Variants in MAMLD1 observed in about 807,000 individuals in gnomAD.
MAMLD1 encodes mastermind like domain containing 1.
Under a neutral mutation model 45.0 loss-of-function variants are expected in MAMLD1, and 14 were observed. The observed-to-expected ratio is 0.31, with a 90% CI of 0.21 to 0.49. The LOEUF (loss-of-function observed/expected upper bound fraction) is 0.49. MAMLD1 is among the 20% of genes least tolerant of loss of function. The pLI is 0.99. For missense variants in MAMLD1, 543 were observed against 603.6 expected, an observed-to-expected ratio of 0.90 and a Z score of 1.05; for synonymous variants, 254 against 247.8, an observed-to-expected ratio of 1.02 and a Z score of -0.24.
At chrX:150,476,700 T>C (rs1220435424) in intron 5 of MAMLD1, among the ~76,000 whole-genome samples, 1 of 112,850 alleles carries the variant, frequency 8.9e-6, no homozygotes, top group African/African-American at 3.2e-5. Flanking sequence ...AGGCACATGA[T>C]GTTGTTTTGA....
chrX:150,439,756 A>C (rs2035235370), intron 1 of MAMLD1, among the ~76,000 whole-genome samples: 1 of 111,472 alleles, frequency 9.0e-6, no homozygotes, highest in African/African-American at 3.3e-5. Context: ...CCAATGTGGC[A>C]AAACACCGTC....
rs2036090779 is a variant in MAMLD1 at position 150,462,825 on chromosome X, C to T, written c.150C>T (p.Ser50=). Residue 50 remains serine, a synonymous_variant, in exon 3 of 8, where the codon AGC becomes AGT. Coordinates refer to ENST00000370401, the MANE Select transcript of MAMLD1 (RefSeq NM_005491.5). ...AAGATTTATCTTTTCTCTACAAGAG[C>T]AGCCCAGGAAGAAAGCATCAGGTAA... ...EEEDLSFLYK[S]SPGRKHQGTV... 1 of 1,209,059 alleles carries T rather than the reference C, an allele frequency of 8.3e-7. No homozygotes were observed. Among genetic ancestry groups the T allele is most frequent in the Admixed American group, 2.2e-5 (1 of 46,075 alleles).
intron 1 of MAMLD1, among the ~76,000 whole-genome samples, chrX:150,385,590 C>G (rs1409408475): frequency 9.0e-6 from 1 of 111,011 alleles, no homozygotes; most frequent in East Asian, 2.8e-4. Context: ...ATGGAATCAT[C>G]ATAAAGGTCT....
rs782761871 is a variant in MAMLD1 at position 150,445,630 on chromosome X, G to A, written c.96+18G>A. ...AGGAATCGGTCAGACAATGGGCCAT[G>A]GGGGGAGGGGGGTATTTAATGCTTC... On this transcript the variant is annotated intron_variant, in intron 2 of 7. Coordinates refer to ENST00000370401, the MANE Select transcript of MAMLD1 (RefSeq NM_005491.5). The A allele has an allele frequency of 1.9e-5, 21 of 1,080,846 alleles. No individual in the cohort carries two copies. Among genetic ancestry groups the A allele is most frequent in the Non-Finnish European group, 2.6e-5 (20 of 778,222 alleles). The allele number at this position is 1,080,846 out of a possible 1,213,427, so 89.1% of individuals were successfully genotyped here. A position where few individuals can be genotyped will look rare whatever the true frequency, so the allele number is the denominator to read the frequency against.
chrX:150,478,917 T>A (rs782707208), intron 5 of MAMLD1, among the ~76,000 whole-genome samples: 1 of 112,480 alleles, frequency 8.9e-6, no homozygotes, highest in Non-Finnish European at 1.9e-5. Flanking sequence ...CCGTGTAACA[T>A]GCATTTTGAA....
At chrX:150,434,188 G>A (rs916899867) in intron 1 of MAMLD1, among the ~76,000 whole-genome samples, 2 of 111,698 alleles carry the variant, frequency 1.8e-5, no homozygotes, top group Non-Finnish European at 3.8e-5. Context: ...TAGCTTTTGT[G>A]CATAGAGGTG....
intron 5 of MAMLD1, among the ~76,000 whole-genome samples, chrX:150,494,491 AT>A (rs2148344069): frequency 8.9e-6 from 1 of 112,842 alleles, no homozygotes; most frequent in East Asian, 2.8e-4. Context: ...GTAGATCCTC[AT>A]GTGACCTTCC....
intron 1 of MAMLD1, among the ~76,000 whole-genome samples, chrX:150,380,541 A>T (rs183302985): frequency 3.7e-4 from 41 of 111,293 alleles, no homozygotes; most frequent in Non-Finnish European, 6.4e-4. Flanking sequence ...GTCAAGTATC[A>T]GTCTTTTCTT....
At chrX:150,438,291 C>T (rs782565639) in intron 1 of MAMLD1, among the ~76,000 whole-genome samples, 1 of 112,148 alleles carries the variant, frequency 8.9e-6, no homozygotes, top group African/African-American at 3.2e-5. Flanking sequence ...GTGGCAATAC[C>T]ATTTTACATT....
chrX:150,476,724 G>T (rs1292198188), intron 5 of MAMLD1, among the ~76,000 whole-genome samples: 1 of 112,996 alleles, frequency 8.8e-6, no homozygotes, highest in African/African-American at 3.2e-5. Flanking sequence ...ATATGGAGAG[G>T]GTAGAGAAGG....
At chrX:150,508,564 A>G (rs1648763477) in intron 6 of MAMLD1, among the ~76,000 whole-genome samples, 1 of 112,252 alleles carries the variant, frequency 8.9e-6, no homozygotes, top group Non-Finnish European at 1.9e-5. Flanking sequence ...TCCCGGTGCC[A>G]TGTGTTTGTC....
At chrX:150,439,226 A>G (rs1210583144) in intron 1 of MAMLD1, among the ~76,000 whole-genome samples, 2 of 111,766 alleles carry the variant, frequency 1.8e-5, no homozygotes, top group Non-Finnish European at 3.8e-5. Flanking sequence ...TGTTATGTGT[A>G]TATTCTAGAG....
intron 5 of MAMLD1, among the ~76,000 whole-genome samples, chrX:150,480,575 C>G (rs781799111): frequency 8.9e-6 from 1 of 111,932 alleles, no homozygotes; most frequent in Non-Finnish European, 1.9e-5. Context: ...TGACTCTTAA[C>G]TCTCATCTCA....
chrX:150,398,373 GGAA>G (rs1414806616), intron 1 of MAMLD1, among the ~76,000 whole-genome samples: 3 of 96,612 alleles, frequency 3.1e-5, no homozygotes, highest in South Asian at 9.4e-4. Flanking sequence ...AAGAGGAAGA[GGAA>G]GAAGAAGAGG....
intron 5 of MAMLD1, among the ~76,000 whole-genome samples, chrX:150,498,868 G>GA (rs1312112774): frequency 8.9e-6 from 1 of 112,311 alleles, no homozygotes; most frequent in Non-Finnish European, 1.9e-5. Flanking sequence ...GTAATGGCAA[G>GA]AAAAAAGCCA....
chrX:150,408,974 C>T (rs939757421), intron 1 of MAMLD1, among the ~76,000 whole-genome samples: 2 of 111,630 alleles, frequency 1.8e-5, no homozygotes, highest in Admixed American at 9.5e-5. Context: ...TGGAATCTGG[C>T]GGAGAAGAAT....
chrX:150,387,074 T>C (rs782582140), intron 1 of MAMLD1, among the ~76,000 whole-genome samples: 1 of 111,738 alleles, frequency 8.9e-6, no homozygotes, highest in South Asian at 3.7e-4. Flanking sequence ...ACTATAGACA[T>C]TAATTTTGTC....
At chrX:150,467,753 G>C (rs781791389) in intron 3 of MAMLD1, among the ~76,000 whole-genome samples, 19 of 112,150 alleles carry the variant, frequency 1.7e-4, no homozygotes, top group Non-Finnish European at 1.7e-4. Context: ...TCTGACCTGG[G>C]CCTTGTTGCC....
At chrX:150,369,679 C>G (rs2031804100) in intron 1 of MAMLD1, among the ~76,000 whole-genome samples, 1 of 112,121 alleles carries the variant, frequency 8.9e-6, no homozygotes, top group Admixed American at 9.4e-5. Flanking sequence ...TTAGAGTAGA[C>G]TGGCATATTT....
Sources: allele counts gnomAD v4.1 joint callset (sites outside exome capture counted in the v4.1 genomes callset), GRCh38; gene constraint gnomAD v4.1.1; transcripts MANE v1.5; gene names NCBI Gene and HGNC (gene_info 2026-07-23, HGNC 2026-07-21).